HAAO: variants seen among roughly 807,000 people sequenced by gnomAD.
HAAO encodes 3-hydroxyanthranilate 3,4-dioxygenase.
A neutral mutation model predicts 46.2 loss-of-function variants in HAAO; 49 were observed. The ratio of observed to expected loss-of-function variants is 1.06; its 90% confidence interval spans 0.84 to 1.34. The LOEUF (loss-of-function observed/expected upper bound fraction) is 1.34, where lower values mean the gene tolerates loss of function less well. HAAO is among the 40% of genes most tolerant of loss of function. The pLI is 0.00. For missense variants in HAAO, 408 were observed against 364.5 expected (o/e 1.12, Z -0.97); for synonymous variants, 157 against 145.2 (o/e 1.08, Z -0.58).
intron 4 of HAAO, among the ~76,000 whole-genome samples, chr2:42,779,253 G>T (rs1425531515): frequency 6.6e-6 from 1 of 152,070 alleles, no homozygotes; most frequent in East Asian, 1.9e-4. Context: ...CTAAATATAG[G>T]TTATGAAAGG....
chr2:42,776,998 G>A (rs1215542875), intron 4 of HAAO, among the ~76,000 whole-genome samples: 1 of 150,486 alleles, frequency 6.6e-6, no homozygotes, highest in African/African-American at 2.4e-5. Context: ...TGTAAAACAG[G>A]TTATCAAGAA....
At chr2:42,775,957 G>A (rs778773423) in intron 4 of HAAO, among the ~76,000 whole-genome samples, 2 of 150,052 alleles carry the variant, frequency 1.3e-5, no homozygotes, top group Non-Finnish European at 3.0e-5. Flanking sequence ...TCGCTTCTGG[G>A]CCTTTGGCTA....
At position 42,788,579 on chromosome 2, in the gene HAAO, T is replaced by C. The variant is rs3816183; in HGVS notation, c.109A>G (p.Ile37Val). The C allele has an allele frequency of 0.77, 1,220,042 of 1,583,606 alleles. 474,433 individuals are homozygous for C. The highest frequency in any genetic ancestry group is 0.93 in the Middle Eastern group (5,617 of 6,018). The change falls in exon 2 of 10, where the codon ATC (isoleucine) becomes GTC (valine). Residue 37 changes from isoleucine to valine, a missense_variant. Ile to Val is a conservative substitution (Grantham distance 29). Transcript: ENST00000294973. ...TCCTTCCTGGTGTTGGGGCCTCCGA[T>C]GAACATGACTTTGAGCTGCTCCTGG... is the stretch of plus-strand genomic sequence containing the variant. Reference protein sequence around the residue: ...MHQEQLKVMFIGGPNTRKDYH... With the variant: ...MHQEQLKVMFVGGPNTRKDYH...
At position 42,767,899 on chromosome 2, in the gene HAAO, T is replaced by G. The variant is rs773842529; in HGVS notation, c.660A>C (p.Glu220Asp). The G allele has an allele frequency of 6.2e-7, 1 of 1,613,968 alleles. No homozygotes were observed. The highest frequency in any genetic ancestry group is 1.1e-5 in the South Asian group (1 of 91,078). ...QVIAYGQGSS[E>D]GLRQNVDVWL... ...ACACGTCCACATTCTGTCTCAGGCCTTCGCTGCTGCCTTGCCCATAGGCGA... is the reference window on the plus strand; with the variant it reads ...ACACGTCCACATTCTGTCTCAGGCCGTCGCTGCTGCCTTGCCCATAGGCGA... Residue 220 changes from glutamate (E) to aspartate (D), a missense_variant, in exon 8 of 10, where the codon GAA becomes GAC. Coordinates refer to ENST00000294973, the MANE Select transcript of HAAO (RefSeq NM_012205.3).
intron 4 of HAAO, among the ~76,000 whole-genome samples, chr2:42,775,861 CT>C (rs56249729): frequency 0.45 from 54,736 of 121,088 alleles, 12,207 homozygotes; most frequent in East Asian, 0.93. Context: ...TTGTGTTATC[CT>C]TTTTTTTTTT....
intron 2 of HAAO, among the ~76,000 whole-genome samples, chr2:42,787,332 G>C (rs1020977574): frequency 5.9e-5 from 9 of 152,176 alleles, no homozygotes; most frequent in African/African-American, 2.2e-4. Context: ...GCTGAGACCA[G>C]GGCCAACAGA....
At chr2:42,773,882 G>C (rs576684106) in intron 4 of HAAO, among the ~76,000 whole-genome samples, 1 of 152,132 alleles carries the variant, frequency 6.6e-6, no homozygotes, top group Non-Finnish European at 1.5e-5. Context: ...GTGCCACTGC[G>C]CCCGGCTACC....
chr2:42,781,566 G>A (rs1308160197), intron 4 of HAAO, among the ~76,000 whole-genome samples: 1 of 152,142 alleles, frequency 6.6e-6, no homozygotes, highest in African/African-American at 2.4e-5. Flanking sequence ...CAATTTAAAA[G>A]CCTATGTAAA....
intron 1 of HAAO, among the ~76,000 whole-genome samples, chr2:42,790,542 T>G (rs1672715503): frequency 6.7e-6 from 1 of 150,108 alleles, no homozygotes; most frequent in Non-Finnish European, 1.5e-5. Context: ...GTTTTTTTTT[T>G]TTTTTTTTCA....
At chr2:42,778,723 C>A (rs1051299492) in intron 4 of HAAO, among the ~76,000 whole-genome samples, 1 of 152,150 alleles carries the variant, frequency 6.6e-6, no homozygotes, top group Non-Finnish European at 1.5e-5. Flanking sequence ...TCCTGAAACA[C>A]AGGGACAGAA....
Position 42,767,506 on chromosome 2 carries a change from C to G in HAAO, c.792G>C (p.Trp264Cys). The G allele has an allele frequency of 6.2e-7, 1 of 1,611,914 alleles. No homozygotes were observed. Among genetic ancestry groups the G allele is most frequent in the African/African-American group, 1.3e-5 (1 of 75,010 alleles). ...GGGCCACAGAGCCTTGTGTTCGCTCCCAGGCATACCTGTGGACACACAGAT... is the reference window on the plus strand; with the variant it reads ...GGGCCACAGAGCCTTGTGTTCGCTCGCAGGCATACCTGTGGACACACAGAT... Reference protein sequence around the residue: ...LLVLAGTSYAWERTQGSVALS... With the variant: ...LLVLAGTSYACERTQGSVALS... The change falls in exon 10 of 10, where the codon TGG (tryptophan) becomes TGC (cysteine). Residue 264 changes from tryptophan to cysteine, a missense_variant. Trp to Cys is a radical substitution (Grantham distance 215, BLOSUM62 -2). Coordinates refer to ENST00000294973, the MANE Select transcript of HAAO (RefSeq NM_012205.3).
intron 7 of HAAO, among the ~76,000 whole-genome samples, chr2:42,769,466 T>G (rs541258396): frequency 2.6e-5 from 4 of 152,322 alleles, no homozygotes; most frequent in African/African-American, 9.6e-5. Context: ...ATAAAATTGC[T>G]TGGGACCATG....
intron 1 of HAAO, among the ~76,000 whole-genome samples, chr2:42,791,593 G>A (rs1337430512): frequency 6.6e-6 from 1 of 152,132 alleles, no homozygotes; most frequent in Non-Finnish European, 1.5e-5. Context: ...CACTAGAAAA[G>A]TTACTTATGA....
Position 42,783,844 on chromosome 2 carries a change from G to C in HAAO, c.183C>G (p.Asp61Glu). ...CTTGCTCCAGGACTCGGAGAACCATGTCTCCCTCCAGCTGGTAAAATACCT... is the reference window on the plus strand; with the variant it reads ...CTTGCTCCAGGACTCGGAGAACCATCTCTCCCTCCAGCTGGTAAAATACCT... The part of the protein sequence containing the change: ...GEEVFYQLEG[D>E]MVLRVLEQGK... The change falls in exon 3 of 10, where the codon GAC (aspartate) becomes GAG (glutamate). Residue 61 changes from aspartate (D) to glutamate (E), a missense_variant. Physicochemically the swap from Asp to Glu is conservative, Grantham distance 45. Coordinates refer to ENST00000294973, the MANE Select transcript of HAAO (RefSeq NM_012205.3). 1 of 1,612,146 alleles carries C rather than the reference G, an allele frequency of 6.2e-7. No homozygotes were observed. The highest frequency in any genetic ancestry group is 8.5e-7 in the Non-Finnish European group (1 of 1,179,212).
intron 7 of HAAO, among the ~76,000 whole-genome samples, chr2:42,768,845 A>G (rs1670867116): frequency 1.3e-5 from 2 of 152,058 alleles, no homozygotes; most frequent in South Asian, 2.1e-4. Flanking sequence ...CTGCTGCTCC[A>G]CAGTCCACCA....
intron 4 of HAAO, 110 bp downstream of exon 4, chr2:42,783,204 G>T: frequency 1.5e-6 from 1 of 667,120 alleles, no homozygotes; most frequent in Admixed American, 2.4e-5. Context: ...CCACTCAGTG[G>T]CCAGGACGTG....
chr2:42,776,976 A>G (rs1671628498), intron 4 of HAAO, among the ~76,000 whole-genome samples: 1 of 151,358 alleles, frequency 6.6e-6, no homozygotes, highest in Admixed American at 6.6e-5. Context: ...TTAGCTGACA[A>G]CTGCCTGTGG....
At chr2:42,783,901 A>ACTTTCTCTT (rs756140570) in intron 2 of HAAO, 34 bp from the exon 3 acceptor site, 5 of 1,585,848 alleles carry the variant, frequency 3.2e-6, no homozygotes, top group Non-Finnish European at 1.7e-6. Context: ...GACCCTCCGC[A>ACTTTCTCTT]CTTTCTCTTC....
At chr2:42,791,514 G>T (rs1672797227) in intron 1 of HAAO, among the ~76,000 whole-genome samples, 1 of 152,200 alleles carries the variant, frequency 6.6e-6, no homozygotes, top group South Asian at 2.1e-4. Context: ...AACCAAGAGT[G>T]TGCGTGGACT....
Sources: gnomAD v4.1 joint callset for allele counts (sites outside exome capture counted in the v4.1 genomes callset) on GRCh38, gnomAD v4.1.1 for gene constraint, MANE v1.5 for transcripts, NCBI Gene and HGNC (gene_info 2026-07-23, HGNC 2026-07-21) for gene names.